The following RSRC1 variants were observed in gnomAD, a reference collection of about 807,000 sequenced individuals.
The protein encoded by RSRC1 is arginine and serine rich coiled-coil 1, also known as serine/Arginine-related protein 53.
Under a neutral mutation model 49.1 loss-of-function variants are expected in RSRC1, and 39 were observed. That is an observed-to-expected ratio of 0.79 (90% confidence interval 0.61 to 1.04). RSRC1 has a LOEUF of 1.04. Among genes scored for constraint, RSRC1 ranks in the 50% least tolerant of loss-of-function variants. The probability of loss-of-function intolerance (pLI) is 0.00; values close to 1 mark genes in which losing one functional copy is unlikely to be tolerated. For missense variants in RSRC1, 388 were observed against 402.4 expected, an observed-to-expected ratio of 0.96 and a Z score of 0.31; for synonymous variants, 143 against 130.8, an observed-to-expected ratio of 1.09 and a Z score of -0.63.
chr3:158,455,420 A>G (rs1388964883), intron 6 of RSRC1, among the ~76,000 whole-genome samples: 1 of 152,154 alleles, frequency 6.6e-6, no homozygotes, highest in East Asian at 1.9e-4. Context: ...ATTCACAGCC[A>G]TAGGGTATAT....
At position 158,415,633 on chromosome 3, in the gene RSRC1, T is replaced by G. The variant is rs928795369; in HGVS notation, c.584-45302T>G. Among the ~76,000 whole-genome samples, 4 of 152,058 alleles carry G rather than the reference T, an allele frequency of 2.6e-5. 1 individual carries two copies. The highest frequency in any genetic ancestry group is 5.9e-5 in the Non-Finnish European group (4 of 67,994). On this transcript the variant is annotated intron_variant, in intron 6 of 9. Coordinates refer to ENST00000611884, the MANE Select transcript of RSRC1 (RefSeq NM_001271838.2). ...TAAATATTGACTTTCAGTTTTTAAA[T>G]AATTCTTATTAATTAATAGTGCTAT... is the stretch of plus-strand genomic sequence containing the variant.
chr3:158,250,668 TA>T (rs1473796268), intron 4 of RSRC1, among the ~76,000 whole-genome samples: 11 of 152,336 alleles, frequency 7.2e-5, no homozygotes, highest in South Asian at 2.1e-4. Context: ...CAGATCATAA[TA>T]TTTTTTTCAT....
chr3:158,538,545 T>C (rs1313613757), intron 8 of RSRC1, among the ~76,000 whole-genome samples: 2 of 151,998 alleles, frequency 1.3e-5, no homozygotes, highest in East Asian at 3.9e-4. Context: ...CCAGTTTTTA[T>C]TGGACTCTCT....
intron 3 of RSRC1, among the ~76,000 whole-genome samples, chr3:158,161,882 T>G (rs911463792): frequency 6.6e-6 from 1 of 152,128 alleles, no homozygotes; most frequent in Non-Finnish European, 1.5e-5. Context: ...GGGCTCAAAA[T>G]TTTTAAAAGC....
Position 158,197,638 on chromosome 3 carries a change from A to C in RSRC1, c.321-5434A>C, listed in dbSNP as rs577525267. Among the ~76,000 whole-genome samples, 92 of 151,934 alleles carry C rather than the reference A, an allele frequency of 6.1e-4. 4 individuals carry two copies. In the South Asian group the frequency reaches 0.018, roughly 30 times the overall value. ...TCTCTTGTGGGCATTTAGTACTATA[A>C]ATTTCCCTCTACACACTGCTTTGAA... On this transcript the variant is annotated intron_variant, in intron 3 of 9. Transcript: ENST00000611884.
intron 5 of RSRC1, among the ~76,000 whole-genome samples, chr3:158,333,356 T>C (rs1001930686): frequency 1.3e-5 from 2 of 152,230 alleles, no homozygotes; most frequent in African/African-American, 4.8e-5. Flanking sequence ...TTGCCTTTTT[T>C]CCTACCATAT....
At chr3:158,256,044 A>G (rs1037081318) in intron 4 of RSRC1, among the ~76,000 whole-genome samples, 1 of 151,950 alleles carries the variant, frequency 6.6e-6, no homozygotes, top group African/African-American at 2.4e-5. Context: ...CTATTTGAAT[A>G]CCCTTTATTT....
chr3:158,540,190 T>C (rs1712959187), intron 8 of RSRC1, among the ~76,000 whole-genome samples: 1 of 152,132 alleles, frequency 6.6e-6, no homozygotes, highest in Non-Finnish European at 1.5e-5. Context: ...ATAATATCAC[T>C]TAGGGCCACA....
At chr3:158,411,490 CTT>C (rs1734463201) in intron 6 of RSRC1, among the ~76,000 whole-genome samples, 1 of 150,340 alleles carries the variant, frequency 6.7e-6, no homozygotes, top group African/African-American at 2.5e-5. Context: ...GTTAGCCAAA[CTT>C]ATATCATTCT....
At chr3:158,143,435 C>T (rs1179942280) in intron 3 of RSRC1, among the ~76,000 whole-genome samples, 4 of 151,972 alleles carry the variant, frequency 2.6e-5, no homozygotes, top group Non-Finnish European at 4.4e-5. Flanking sequence ...TCTTTTAATG[C>T]CACTTCAAGA....
At chr3:158,413,762 A>G (rs1026528225) in intron 6 of RSRC1, among the ~76,000 whole-genome samples, 1 of 152,250 alleles carries the variant, frequency 6.6e-6, no homozygotes, top group African/African-American at 2.4e-5. Flanking sequence ...CATTAGAGAA[A>G]TGCAAATCAA....
chr3:158,275,942 A>G (rs1265802858), intron 4 of RSRC1: 2 of 737,086 alleles, frequency 2.7e-6, no homozygotes, highest in African/African-American at 1.7e-5. Flanking sequence ...GAGCCCACAC[A>G]TTTCCCTGTG....
At chr3:158,159,428 A>G (rs1718080195) in intron 3 of RSRC1, among the ~76,000 whole-genome samples, 1 of 152,196 alleles carries the variant, frequency 6.6e-6, no homozygotes, top group Non-Finnish European at 1.5e-5. Flanking sequence ...AGCCCTTTAT[A>G]CTTTACAAAA....
At chr3:158,123,809 T>G in intron 2 of RSRC1, 57 bp from the exon 3 acceptor site, 2 of 1,520,536 alleles carry the variant, frequency 1.3e-6, no homozygotes, top group Non-Finnish European at 1.8e-6. Flanking sequence ...AGGTTTTTCC[T>G]TAATGCTCAT....
At chr3:158,240,742 C>G (rs1010213464) in intron 4 of RSRC1, among the ~76,000 whole-genome samples, 1 of 152,140 alleles carries the variant, frequency 6.6e-6, no homozygotes, top group Non-Finnish European at 1.5e-5. Context: ...AAGTGGCATG[C>G]TGTTCTGAGA....
intron 6 of RSRC1, among the ~76,000 whole-genome samples, chr3:158,411,127 G>A (rs948416818): frequency 6.6e-5 from 10 of 151,990 alleles, no homozygotes; most frequent in Admixed American, 3.9e-4. Flanking sequence ...GCTGCAGCAT[G>A]TTCATTTTGT....
chr3:158,490,339 C>G (rs1739028637), intron 7 of RSRC1, among the ~76,000 whole-genome samples: 1 of 152,216 alleles, frequency 6.6e-6, no homozygotes, highest in African/African-American at 2.4e-5. Context: ...CCACCTCACC[C>G]TTCCAAAGTG....
chr3:158,241,882 G>C (rs977862407), intron 4 of RSRC1, among the ~76,000 whole-genome samples: 5 of 151,596 alleles, frequency 3.3e-5, no homozygotes, highest in Non-Finnish European at 5.9e-5. Context: ...TTTCTGATGT[G>C]TAGTTTATAT....
At chr3:158,316,825 A>C (rs919344654) in intron 5 of RSRC1, among the ~76,000 whole-genome samples, 1 of 152,164 alleles carries the variant, frequency 6.6e-6, no homozygotes, top group Non-Finnish European at 1.5e-5. Flanking sequence ...ATATAAGCCC[A>C]GTTTTTTCCT....
Sources: allele counts gnomAD v4.1 joint callset (sites outside exome capture counted in the v4.1 genomes callset), GRCh38; gene constraint gnomAD v4.1.1; transcripts MANE v1.5; gene names NCBI Gene and HGNC (gene_info 2026-07-23, HGNC 2026-07-21).